The following PRR16 variants were observed in gnomAD, a reference collection of about 807,000 sequenced individuals.
PRR16 encodes proline rich 16.
In PRR16, 6 loss-of-function variants were observed where a neutral mutation model predicts 18.2. The ratio of observed to expected loss-of-function variants is 0.33; its 90% CI spans 0.18 to 0.65. The LOEUF (loss-of-function observed/expected upper bound fraction) is 0.65, where lower values mean the gene tolerates loss of function less well. Ranked by LOEUF, PRR16 falls within the 30% of genes least tolerant of loss-of-function variation. The probability of loss-of-function intolerance (pLI) is 0.74; values close to 1 mark genes in which losing one functional copy is unlikely to be tolerated. For missense variants in PRR16, 412 were observed against 376.6 expected, an observed-to-expected ratio of 1.09 and a Z score of -0.78; for synonymous variants, 151 against 147.8, an observed-to-expected ratio of 1.02 and a Z score of -0.16.
At chr5:120,665,811 G>A (rs1322125234) in intron 1 of PRR16, among the ~76,000 whole-genome samples, 1 of 151,742 alleles carries the variant, frequency 6.6e-6, no homozygotes, top group Admixed American at 6.6e-5. Flanking sequence ...TGTTCCATTG[G>A]TCTATATCTC....
At chr5:120,789,805 TTTAAAA>T in the PRR16 span, 1 of 152,142 alleles carries the variant, frequency 6.6e-6, no homozygotes, top group East Asian at 1.9e-4. Flanking sequence ...TGTTTAGACA[TTTAAAA>T]TAAAATGCTT....
chr5:120,673,915 A>T lies in PRR16; in HGVS notation c.160-12039A>T, dbSNP rs1756702948. On this transcript the variant is annotated intron_variant, in intron 1 of 1. Coordinates refer to ENST00000407149, the MANE Select transcript of PRR16 (RefSeq NM_001300783.2). ...GGCTACAGTGAGCCGAGATTGCACC[A>T]CTGCACTCCAGCCTGGCGACAGAGT... Among the ~76,000 whole-genome samples, 3 of 151,282 alleles carry T rather than the reference A, an allele frequency of 2.0e-5. No homozygotes were observed. The South Asian group carries it at 6.3e-4, about 32-fold the overall frequency.
At position 120,534,846 on chromosome 5, in the gene PRR16, G is replaced by T. The variant is rs148690388; in HGVS notation, c.159+70201G>T. Among the ~76,000 whole-genome samples, 33 of 152,256 alleles carry T rather than the reference G, an allele frequency of 2.2e-4. No homozygotes were observed. In the East Asian group the frequency reaches 5.2e-3, roughly 24 times the overall value. ...ACAGTTTCTTAAGTCATGTAAGTAC[G>T]TGTAAAATAAAAAAATTTACATGAA... On this transcript the variant is annotated intron_variant, in intron 1 of 1. Transcript: ENST00000407149.
At chr5:120,751,885 A>G in the PRR16 span, among the ~76,000 whole-genome samples, 276 of 152,136 alleles carry the variant, frequency 1.8e-3, no homozygotes, top group African/African-American at 6.4e-3. Context: ...CTTCTGGAAT[A>G]TTCATTTAAG....
At chr5:120,654,308 G>A (rs1239862194) in intron 1 of PRR16, among the ~76,000 whole-genome samples, 9 of 151,824 alleles carry the variant, frequency 5.9e-5, no homozygotes, top group Non-Finnish European at 1.3e-4. Context: ...CTTTTATTTT[G>A]AGTATTGAAT....
At chr5:120,542,552 C>G (rs1751948493) in intron 1 of PRR16, among the ~76,000 whole-genome samples, 2 of 152,038 alleles carry the variant, frequency 1.3e-5, no homozygotes, top group African/African-American at 4.8e-5. Context: ...TATTTCAGGA[C>G]CCAAACCAAG....
At chr5:120,611,815 T>C (rs537996393) in intron 1 of PRR16, among the ~76,000 whole-genome samples, 3 of 152,294 alleles carry the variant, frequency 2.0e-5, no homozygotes, top group Admixed American at 1.3e-4. Flanking sequence ...GGGCAATGCC[T>C]AGTGGAGCTG....
chr5:120,582,986 A>G (rs967683524), intron 1 of PRR16, among the ~76,000 whole-genome samples: 6 of 152,224 alleles, frequency 3.9e-5, no homozygotes, highest in African/African-American at 1.4e-4. Context: ...GAAATTATCT[A>G]TACTGTCATT....
chr5:120,606,390 A>G (rs893235268), intron 1 of PRR16, among the ~76,000 whole-genome samples: 5 of 150,820 alleles, frequency 3.3e-5, no homozygotes, highest in African/African-American at 1.2e-4. Flanking sequence ...TATTTCAAAT[A>G]TGTATTTTTT....
intron 1 of PRR16, among the ~76,000 whole-genome samples, chr5:120,491,144 C>T (rs971130041): frequency 2.0e-5 from 3 of 152,144 alleles, no homozygotes; most frequent in Non-Finnish European, 4.4e-5. Flanking sequence ...AGATCTCCAG[C>T]TATGTTCTGG....
chr5:120,670,196 C>A (rs1756550289), intron 1 of PRR16, among the ~76,000 whole-genome samples: 1 of 151,908 alleles, frequency 6.6e-6, no homozygotes, highest in Non-Finnish European at 1.5e-5. Context: ...CTATGTTTTG[C>A]CTTTCTCAGT....
At chr5:120,517,755 T>C (rs966658731) in intron 1 of PRR16, among the ~76,000 whole-genome samples, 16 of 152,178 alleles carry the variant, frequency 1.1e-4, no homozygotes, top group African/African-American at 3.4e-4. Context: ...TCTCAGTAAT[T>C]CTTTACTCTG....
At chr5:120,698,336 A>C in the PRR16 span, among the ~76,000 whole-genome samples, 1 of 152,012 alleles carries the variant, frequency 6.6e-6, no homozygotes, top group East Asian at 1.9e-4. Flanking sequence ...ATAAGAGAAG[A>C]AAAACAGGTA....
At chr5:120,702,337 G>A in the PRR16 span, among the ~76,000 whole-genome samples, 87 of 152,012 alleles carry the variant, frequency 5.7e-4, 1 homozygote, top group African/African-American at 2.1e-3. Context: ...AAGGGATTGG[G>A]GCGCAGAGAT....
the PRR16 span, among the ~76,000 whole-genome samples, chr5:120,733,244 A>G: frequency 6.6e-6 from 1 of 152,010 alleles, no homozygotes; most frequent in African/African-American, 2.4e-5. Context: ...TCCTGGGCTC[A>G]AGCTCAAGTG....
the PRR16 span, among the ~76,000 whole-genome samples, chr5:120,792,670 G>T: frequency 6.6e-6 from 1 of 151,988 alleles, no homozygotes; most frequent in Non-Finnish European, 1.5e-5. Flanking sequence ...GTTTACTTAG[G>T]TAAGATAATC....
intron 1 of PRR16, among the ~76,000 whole-genome samples, chr5:120,651,647 G>A (rs1291135780): frequency 6.6e-6 from 1 of 152,016 alleles, no homozygotes; most frequent in Non-Finnish European, 1.5e-5. Flanking sequence ...GTAGATATGT[G>A]GCATTATTTC....
At chr5:120,493,896 A>G (rs1197094187) in intron 1 of PRR16, among the ~76,000 whole-genome samples, 1 of 152,060 alleles carries the variant, frequency 6.6e-6, no homozygotes, top group Non-Finnish European at 1.5e-5. Flanking sequence ...CCCATTTTCC[A>G]TGGTATAGAT....
At chr5:120,464,689 C>T in intron 1 of PRR16, 44 bp downstream of exon 1, 4 of 1,477,506 alleles carry the variant, frequency 2.7e-6, no homozygotes, top group Non-Finnish European at 3.6e-6. Context: ...ACCCTTCGAC[C>T]CCTCCGGGGT....
Sources: allele counts gnomAD v4.1 joint callset (sites outside exome capture counted in the v4.1 genomes callset), GRCh38; gene constraint gnomAD v4.1.1; transcripts MANE v1.5; gene names NCBI Gene and HGNC (gene_info 2026-07-23, HGNC 2026-07-21).